The following NT5DC1 variants were observed in gnomAD, a reference collection of about 807,000 sequenced individuals.
NT5DC1 encodes the protein 5'-nucleotidase domain containing 1.
In NT5DC1, 42 loss-of-function variants were observed where a neutral mutation model predicts 59.4. The ratio of observed to expected loss-of-function variants is 0.71; its 90% CI spans 0.55 to 0.92. NT5DC1 has a LOEUF of 0.92. NT5DC1 is among the 40% of genes least tolerant of loss of function. NT5DC1 has a pLI of 0.00. For synonymous variants in NT5DC1, 172 were observed against 188.1 expected, an observed-to-expected ratio of 0.91 and a Z score of 0.70; for missense variants, 501 against 537.1, an observed-to-expected ratio of 0.93 and a Z score of 0.66.
At chr6:116,237,766 A>ATT (rs1782146766) in intron 9 of NT5DC1, 3 of 263,708 alleles carry the variant, frequency 1.1e-5, no homozygotes, top group Non-Finnish European at 2.3e-5. Flanking sequence ...TTGGGCCCAG[A>ATT]AACTTGAAAA....
chr6:116,133,326 T>C (rs1490949274), intron 6 of NT5DC1, among the ~76,000 whole-genome samples: 1 of 152,198 alleles, frequency 6.6e-6, no homozygotes, highest in Non-Finnish European at 1.5e-5. Context: ...CAGTTTCTGC[T>C]AAGTTGGAAG....
At chr6:116,120,217 C>G in intron 6 of NT5DC1, 1 of 1,614,154 alleles carries the variant, frequency 6.2e-7, no homozygotes. Context: ...AAGCCTGATC[C>G]AGGTAGCCTT....
chr6:116,209,901 A>G lies in NT5DC1; in HGVS notation c.530-11153A>G, dbSNP rs1035079037. Among the ~76,000 whole-genome samples the G allele has an allele frequency of 6.6e-5, 10 of 152,140 alleles. 1 individual carries two copies. Among genetic ancestry groups the G allele is most frequent in the Admixed American group, 3.9e-4 (6 of 15,254 alleles). On this transcript the variant is annotated intron_variant, in intron 6 of 11. Coordinates refer to ENST00000319550, the MANE Select transcript of NT5DC1 (RefSeq NM_152729.3). ...AACGCAAGTTATTTTTCTTTAACAG[A>G]TAATGGTCATCAAATAAGTTAAATC...
At chr6:116,212,511 C>G (rs972151191) in intron 6 of NT5DC1, among the ~76,000 whole-genome samples, 5 of 152,060 alleles carry the variant, frequency 3.3e-5, no homozygotes, top group Non-Finnish European at 7.4e-5. Context: ...ACTCTGCATA[C>G]TTTTGGCTTT....
At chr6:116,241,141 CAAA>C (rs532456933) in intron 11 of NT5DC1, among the ~76,000 whole-genome samples, 2 of 64,310 alleles carry the variant, frequency 3.1e-5, no homozygotes, top group Non-Finnish European at 3.5e-5. Context: ...AAGACTGTCT[CAAA>C]AAAAAAAAAA....
At chr6:116,125,481 T>C (rs1779271894) in intron 6 of NT5DC1, 1 of 1,613,740 alleles carries the variant, frequency 6.2e-7, no homozygotes, top group Non-Finnish European at 8.5e-7. Context: ...AAAAGGGTAT[T>C]TGTGGCAGCA....
intron 1 of NT5DC1, among the ~76,000 whole-genome samples, chr6:116,104,261 C>T (rs1369569859): frequency 2.0e-5 from 3 of 152,186 alleles, no homozygotes; most frequent in Non-Finnish European, 2.9e-5. Flanking sequence ...CATTGGCCCC[C>T]TTCTCTCCTG....
At chr6:116,190,249 T>G (rs1463402331) in intron 6 of NT5DC1, among the ~76,000 whole-genome samples, 5 of 152,072 alleles carry the variant, frequency 3.3e-5, no homozygotes, top group African/African-American at 9.6e-5. Flanking sequence ...AAACAGTATT[T>G]TTTAAATTAT....
At chr6:116,198,262 A>G (rs1028311152) in intron 6 of NT5DC1, among the ~76,000 whole-genome samples, 8 of 152,046 alleles carry the variant, frequency 5.3e-5, no homozygotes, top group African/African-American at 1.7e-4. Flanking sequence ...CCACGTAACT[A>G]TTCCACACAG....
chr6:116,234,966 T>C (rs1037815575), intron 8 of NT5DC1, among the ~76,000 whole-genome samples: 2 of 151,906 alleles, frequency 1.3e-5, no homozygotes, highest in East Asian at 1.9e-4. Context: ...GCCTCCAGTA[T>C]AGGGGCTGGA....
intron 6 of NT5DC1, among the ~76,000 whole-genome samples, chr6:116,193,592 A>G (rs1343889544): frequency 6.6e-6 from 1 of 152,092 alleles, no homozygotes; most frequent in Non-Finnish European, 1.5e-5. Context: ...AGTCACTAAT[A>G]TACACAGAAT....
At chr6:116,124,464 A>G (rs1476780081) in intron 6 of NT5DC1, among the ~76,000 whole-genome samples, 1 of 152,192 alleles carries the variant, frequency 6.6e-6, no homozygotes, top group Non-Finnish European at 1.5e-5. Context: ...TAATCTTCAA[A>G]GAGTAACCAA....
In NT5DC1 at chr6:116,245,468, AC is replaced by A. The variant is rs1362193923; in HGVS notation, c.*1445del. On this transcript the variant is annotated 3_prime_UTR_variant, in exon 12 of 12. Transcript: ENST00000319550. ...GTATCTCAGGGTAAGTAACAAAAAAACAAACAAAAAAAATCACTGAAATTTT... is the reference window on the plus strand; with the variant it reads ...GTATCTCAGGGTAAGTAACAAAAAAAAAACAAAAAAAATCACTGAAATTTT... 2 of 151,434 alleles carry A rather than the reference AC, an allele frequency of 1.3e-5. No individual in the cohort carries two copies. Among genetic ancestry groups the A allele is most frequent in the African/African-American group, 2.4e-5 (1 of 41,406 alleles). 9.4% of individuals were successfully genotyped at this position (151,434 alleles called of 1,614,324 possible). A position where few individuals can be genotyped will look rare whatever the true frequency, so the allele number is the denominator to read the frequency against.
intron 6 of NT5DC1, among the ~76,000 whole-genome samples, chr6:116,134,075 G>A (rs1441847804): frequency 6.6e-6 from 1 of 152,174 alleles, no homozygotes; most frequent in Non-Finnish European, 1.5e-5. Flanking sequence ...AATTTTATAT[G>A]TTAGGATCTT....
chr6:116,135,800 A>C (rs953620490), intron 6 of NT5DC1, among the ~76,000 whole-genome samples: 41 of 143,634 alleles, frequency 2.9e-4, no homozygotes, highest in African/African-American at 9.9e-4. Flanking sequence ...ATAAATTAAA[A>C]GTATATATAT....
In NT5DC1 at chr6:116,238,126, T is replaced by C; in HGVS notation, c.922-61T>C. ...TTGAGAAATTTTCTTCTTCCTTATATGAAATAAATGCCACTTTCACAATTC... is the reference window on the plus strand; with the variant it reads ...TTGAGAAATTTTCTTCTTCCTTATACGAAATAAATGCCACTTTCACAATTC... On this transcript the variant is annotated intron_variant, in intron 9 of 11. Coordinates refer to ENST00000319550, the MANE Select transcript of NT5DC1 (RefSeq NM_152729.3). The C allele has an allele frequency of 2.3e-6, 3 of 1,292,204 alleles. No individual in the cohort carries two copies. The South Asian group carries it at 4.6e-5, about 20-fold the overall frequency. 80.0% of individuals were successfully genotyped at this position (1,292,204 alleles called of 1,614,324 possible). A position where few individuals can be genotyped will look rare whatever the true frequency, so the allele number is the denominator to read the frequency against.
At chr6:116,214,702 T>TGC (rs1405982997) in intron 6 of NT5DC1, among the ~76,000 whole-genome samples, 1 of 152,020 alleles carries the variant, frequency 6.6e-6, no homozygotes, top group Non-Finnish European at 1.5e-5. Flanking sequence ...GTTTTTGAAA[T>TGC]ATCATATTCA....
At chr6:116,142,060 G>A (rs911734786) in intron 6 of NT5DC1, among the ~76,000 whole-genome samples, 35 of 151,858 alleles carry the variant, frequency 2.3e-4, no homozygotes, top group Non-Finnish European at 4.3e-4. Flanking sequence ...TAGCTGATTT[G>A]TACATGGTAA....
At position 116,153,845 on chromosome 6, in the gene NT5DC1, T is replaced by C. The variant is rs548712803; in HGVS notation, c.529+35900T>C. 9.1e-4 allele frequency among the ~76,000 whole-genome samples: 138 copies of C among 152,254 alleles called. 1 individual carries two copies. The highest frequency in any genetic ancestry group is 3.2e-3 in the African/African-American group (134 of 41,562). On this transcript the variant is annotated intron_variant, in intron 6 of 11. Coordinates refer to ENST00000319550, the MANE Select transcript of NT5DC1 (RefSeq NM_152729.3). ...TTCCTTACCTTCTCTGTGGATTTTA[T>C]TGAAGATACATGTACAGAAATGCAA... is the stretch of plus-strand genomic sequence containing the variant.
Sources: allele counts gnomAD v4.1 joint callset (sites outside exome capture counted in the v4.1 genomes callset), GRCh38; gene constraint gnomAD v4.1.1; transcripts MANE v1.5; gene names NCBI Gene and HGNC (gene_info 2026-07-23, HGNC 2026-07-21).